Variants in ELMO1 observed in about 807,000 individuals in gnomAD.
ELMO1 encodes engulfment and cell motility 1, also known as engulfment and cell motility protein 1.
A neutral mutation model predicts 98.9 loss-of-function variants in ELMO1; 26 were observed. That is an observed-to-expected ratio of 0.26 (90% CI 0.19 to 0.36). The LOEUF (loss-of-function observed/expected upper bound fraction) is 0.36. Among genes scored for constraint, ELMO1 ranks in the 10% least tolerant of loss-of-function variants. The pLI, the probability that ELMO1 is intolerant of heterozygous loss-of-function variation, is 1.00. For synonymous variants in ELMO1, 346 were observed against 346.0 expected (o/e 1.00, Z 0.00); for missense variants, 627 against 935.2 (o/e 0.67, Z 4.30).
intron 15 of ELMO1, among the ~76,000 whole-genome samples, chr7:37,056,697 A>G (rs1387919506): frequency 6.6e-6 from 1 of 152,230 alleles, no homozygotes; most frequent in African/African-American, 2.4e-5. Flanking sequence ...AACGTCTATC[A>G]TCCAAACAGC....
At chr7:36,962,751 C>T (rs1339062912) in intron 16 of ELMO1, among the ~76,000 whole-genome samples, 1 of 152,044 alleles carries the variant, frequency 6.6e-6, no homozygotes, top group Non-Finnish European at 1.5e-5. Flanking sequence ...AGTCCTCCTT[C>T]CTTCTGCAAA....
At chr7:37,334,485 G>A (rs781037913) in intron 2 of ELMO1, among the ~76,000 whole-genome samples, 2 of 152,126 alleles carry the variant, frequency 1.3e-5, no homozygotes, top group Non-Finnish European at 2.9e-5. Flanking sequence ...CTGGGTTTTG[G>A]TGTTATACAG....
At position 36,929,723 on chromosome 7, in the gene ELMO1, C is replaced by T. The variant is rs571100337; in HGVS notation, c.1438-34706G>A. ...AACACCACAATGTGAAAATAGCTGG[C>T]GATGTATACTGAAATATTATATATT... On this transcript the variant is annotated intron_variant, in intron 16 of 21. Transcript: ENST00000310758. Among the ~76,000 whole-genome samples, 16 of 152,188 alleles carry T rather than the reference C, an allele frequency of 1.1e-4. No individual in the cohort carries two copies. In the East Asian group the frequency reaches 1.9e-3, roughly 18 times the overall value.
At chr7:36,971,944 A>G (rs984540874) in intron 16 of ELMO1, among the ~76,000 whole-genome samples, 2 of 152,208 alleles carry the variant, frequency 1.3e-5, no homozygotes, top group Non-Finnish European at 2.9e-5. Flanking sequence ...GTAATTTCAC[A>G]AATAAAACTT....
chr7:37,263,045 G>T (rs1278786387), intron 5 of ELMO1, among the ~76,000 whole-genome samples: 1 of 152,122 alleles, frequency 6.6e-6, no homozygotes, highest in Non-Finnish European at 1.5e-5. Flanking sequence ...AAACTGGTGG[G>T]ACCCTTTTAA....
At chr7:37,205,473 C>G (rs138912106) in intron 13 of ELMO1, among the ~76,000 whole-genome samples, 2 of 152,272 alleles carry the variant, frequency 1.3e-5, no homozygotes, top group Non-Finnish European at 2.9e-5. Flanking sequence ...CTTAACAAAC[C>G]CATATATTTT....
intron 13 of ELMO1, among the ~76,000 whole-genome samples, chr7:37,191,876 C>G (rs1267934797): frequency 6.6e-6 from 1 of 152,100 alleles, no homozygotes; most frequent in Non-Finnish European, 1.5e-5. Context: ...CAAGATCGCA[C>G]CAGTGACTAC....
intron 14 of ELMO1, among the ~76,000 whole-genome samples, chr7:37,132,575 T>C (rs1177809213): frequency 2.0e-5 from 3 of 152,208 alleles, no homozygotes; most frequent in Non-Finnish European, 2.9e-5. Flanking sequence ...AGTCAGCGGA[T>C]GGCATCTTCA....
chr7:37,415,724 A>G (rs957583325), intron 1 of ELMO1, among the ~76,000 whole-genome samples: 1 of 152,250 alleles, frequency 6.6e-6, no homozygotes, highest in Non-Finnish European at 1.5e-5. Flanking sequence ...TCCCAAAGAT[A>G]TATCAGGGCT....
At chr7:37,029,692 T>C (rs1794769872) in intron 15 of ELMO1, among the ~76,000 whole-genome samples, 1 of 152,190 alleles carries the variant, frequency 6.6e-6, no homozygotes, top group Admixed American at 6.5e-5. Context: ...TAAACTCTTG[T>C]TATTGGTATA....
At chr7:37,159,205 G>A (rs1238156100) in intron 13 of ELMO1, among the ~76,000 whole-genome samples, 1 of 152,158 alleles carries the variant, frequency 6.6e-6, no homozygotes, top group Non-Finnish European at 1.5e-5. Flanking sequence ...TAATGTAAAT[G>A]ACAAGTTGAT....
intron 1 of ELMO1, among the ~76,000 whole-genome samples, chr7:37,404,558 G>A (rs1292335023): frequency 1.3e-5 from 2 of 151,958 alleles, no homozygotes; most frequent in African/African-American, 2.4e-5. Flanking sequence ...AAATTCCCTG[G>A]GCCCTTCAGG....
chr7:37,333,179 T>C (rs760538140), intron 2 of ELMO1, among the ~76,000 whole-genome samples: 1 of 152,226 alleles, frequency 6.6e-6, no homozygotes, highest in East Asian at 1.9e-4. Flanking sequence ...CATTGGTCTA[T>C]ATACTCCTAA....
intron 19 of ELMO1, among the ~76,000 whole-genome samples, chr7:36,877,313 T>G (rs1804062445): frequency 6.6e-6 from 1 of 152,206 alleles, no homozygotes; most frequent in South Asian, 2.1e-4. Flanking sequence ...CCAAATTAAT[T>G]TATCACCCTT....
intron 13 of ELMO1, among the ~76,000 whole-genome samples, chr7:37,199,331 GGGCTGAACATGGT>G (rs1366016429): frequency 6.6e-6 from 1 of 152,032 alleles, no homozygotes; most frequent in Non-Finnish European, 1.5e-5. Flanking sequence ...ATATGAAAAC[GGGCTGAACATGGT>G]GGCCCACATC....
intron 14 of ELMO1, among the ~76,000 whole-genome samples, chr7:37,104,840 C>T (rs1784852624): frequency 1.3e-5 from 2 of 151,140 alleles, no homozygotes; most frequent in Admixed American, 1.3e-4. Context: ...TATAATGAGT[C>T]AGACTGGTGG....
intron 15 of ELMO1, among the ~76,000 whole-genome samples, chr7:37,032,920 A>G (rs1794956824): frequency 6.6e-6 from 1 of 152,188 alleles, no homozygotes; most frequent in South Asian, 2.1e-4. Flanking sequence ...GTCCAGGGGA[A>G]GAGTTGGCTT....
At chr7:37,248,246 G>A (rs1002561320) in intron 6 of ELMO1, among the ~76,000 whole-genome samples, 1 of 152,038 alleles carries the variant, frequency 6.6e-6, no homozygotes, top group African/African-American at 2.4e-5. Context: ...TTAGAGAAAC[G>A]TGACTAGAAG....
chr7:37,212,180 A>G (rs1563080277), intron 12 of ELMO1, among the ~76,000 whole-genome samples: 1 of 152,234 alleles, frequency 6.6e-6, no homozygotes, highest in East Asian at 1.9e-4. Flanking sequence ...GGAGTAGTCA[A>G]ATTCATAGAC....
Sources: allele counts gnomAD v4.1 joint callset (sites outside exome capture counted in the v4.1 genomes callset), GRCh38; gene constraint gnomAD v4.1.1; transcripts MANE v1.5; gene names NCBI Gene and HGNC (gene_info 2026-07-23, HGNC 2026-07-21).